Variants in FRMD5 observed in about 807,000 individuals in gnomAD.
FRMD5 encodes the protein FERM domain-containing protein 5.
Under a neutral mutation model 69.0 loss-of-function variants are expected in FRMD5, and 20 were observed. That is an observed-to-expected ratio of 0.29 (90% CI 0.20 to 0.42). FRMD5 has a LOEUF of 0.42. Ranked by LOEUF, FRMD5 falls within the 10% of genes least tolerant of loss-of-function variation. The pLI is 1.00. For missense variants in FRMD5, 595 were observed against 708.6 expected (o/e 0.84, Z 1.82); for synonymous variants, 271 against 260.1 (o/e 1.04, Z -0.40).
At chr15:43,962,913 G>T (rs1285028197) in intron 1 of FRMD5, among the ~76,000 whole-genome samples, 1 of 152,124 alleles carries the variant, frequency 6.6e-6, no homozygotes, top group Non-Finnish European at 1.5e-5. Context: ...ATTCAAGATG[G>T]ATTAAAGACT....
At chr15:44,006,870 T>C (rs945269404) in intron 1 of FRMD5, among the ~76,000 whole-genome samples, 1 of 152,196 alleles carries the variant, frequency 6.6e-6, no homozygotes, top group African/African-American at 2.4e-5. Context: ...ATTTAGAATA[T>C]CCCATAAACT....
intron 7 of FRMD5, among the ~76,000 whole-genome samples, chr15:43,899,360 C>A (rs1181803302): frequency 6.6e-6 from 1 of 152,082 alleles, no homozygotes; most frequent in East Asian, 1.9e-4. Context: ...GGAAGAGGCA[C>A]AGGGCTCAGG....
chr15:43,938,824 T>A (rs1197450933), intron 1 of FRMD5, among the ~76,000 whole-genome samples: 1 of 152,136 alleles, frequency 6.6e-6, no homozygotes, highest in African/African-American at 2.4e-5. Context: ...CTTTTTAGAT[T>A]TTTTTTTCTT....
At chr15:44,170,510 G>A (rs1482253500) in intron 1 of FRMD5, among the ~76,000 whole-genome samples, 2 of 151,100 alleles carry the variant, frequency 1.3e-5, no homozygotes, top group African/African-American at 4.9e-5. Flanking sequence ...GCAACAGAGT[G>A]AGACTTCATA....
chr15:44,145,612 G>A (rs1273899463), intron 1 of FRMD5, among the ~76,000 whole-genome samples: 2 of 152,096 alleles, frequency 1.3e-5, no homozygotes, highest in Non-Finnish European at 2.9e-5. Flanking sequence ...TTTTGAACAG[G>A]ACTCCAACTC....
intron 7 of FRMD5, among the ~76,000 whole-genome samples, chr15:43,893,141 A>C (rs534268339): frequency 2.4e-4 from 36 of 152,164 alleles, no homozygotes; most frequent in African/African-American, 7.7e-4. Flanking sequence ...AAAAAAAAAA[A>C]AACATTTTAT....
At chr15:43,959,907 A>T (rs529072586) in intron 1 of FRMD5, among the ~76,000 whole-genome samples, 19 of 152,306 alleles carry the variant, frequency 1.2e-4, no homozygotes, top group Non-Finnish European at 2.2e-4. Context: ...TTTTCTCAGT[A>T]AAATGATGAT....
Position 44,107,560 on chromosome 15 carries a change from C to T in FRMD5, c.102+87393G>A, listed in dbSNP as rs552887161. ...TCTCTCTTGATTTGTAGTTATCAGC[C>T]GAAAAATGCTGCTCAAAGGTTATAT... On this transcript the variant is annotated intron_variant, in intron 1 of 13. Coordinates refer to ENST00000417257, the MANE Select transcript of FRMD5 (RefSeq NM_032892.5). Among the ~76,000 whole-genome samples, 8 of 152,006 alleles carry T rather than the reference C, an allele frequency of 5.3e-5. 1 individual carries two copies. The highest frequency in any genetic ancestry group is 4.2e-4 in the South Asian group (2 of 4,794).
At chr15:44,007,844 A>G (rs1311788326) in intron 1 of FRMD5, among the ~76,000 whole-genome samples, 1 of 151,594 alleles carries the variant, frequency 6.6e-6, no homozygotes, top group African/African-American at 2.4e-5. Flanking sequence ...GGGTTTCTCC[A>G]TGTTGGTCAG....
intron 1 of FRMD5, among the ~76,000 whole-genome samples, chr15:44,026,684 C>T (rs1891443227): frequency 6.6e-6 from 1 of 152,130 alleles, no homozygotes; most frequent in African/African-American, 2.4e-5. Context: ...TTTTCTCAAA[C>T]AGAAAATGGT....
intron 4 of FRMD5, among the ~76,000 whole-genome samples, chr15:43,913,407 CAA>C (rs1256279202): frequency 6.6e-6 from 1 of 152,250 alleles, no homozygotes; most frequent in African/African-American, 2.4e-5. Context: ...CTGACAGCTT[CAA>C]GAGAGAGAAT....
chr15:43,908,814 T>G (rs967987178), intron 5 of FRMD5, among the ~76,000 whole-genome samples: 1 of 152,202 alleles, frequency 6.6e-6, no homozygotes, highest in African/African-American at 2.4e-5. Flanking sequence ...TTAGGAAATG[T>G]GCTTGTTACT....
chr15:43,887,187 G>C (rs181400382), intron 10 of FRMD5, among the ~76,000 whole-genome samples: 247 of 152,314 alleles, frequency 1.6e-3, no homozygotes, highest in African/African-American at 5.7e-3. Context: ...TCCCAGGGCA[G>C]GGATAGTTCA....
chr15:44,089,326 G>C (rs1022846302), intron 1 of FRMD5, among the ~76,000 whole-genome samples: 1 of 152,158 alleles, frequency 6.6e-6, no homozygotes, highest in Non-Finnish European at 1.5e-5. Context: ...ATGGTTTTAA[G>C]TATATGTGTA....
chr15:44,097,739 T>C (rs905971120), intron 1 of FRMD5, among the ~76,000 whole-genome samples: 5 of 152,192 alleles, frequency 3.3e-5, no homozygotes, highest in African/African-American at 7.2e-5. Flanking sequence ...GATGGGTACA[T>C]AGGACAAATT....
chr15:43,874,814 C>T (rs567813381), intron 13 of FRMD5, among the ~76,000 whole-genome samples: 4 of 151,864 alleles, frequency 2.6e-5, no homozygotes, highest in Admixed American at 2.6e-4. Flanking sequence ...GCAGGAGAAT[C>T]GCTTGAACCC....
intron 1 of FRMD5, among the ~76,000 whole-genome samples, chr15:44,182,572 C>T (rs2078024630): frequency 6.6e-6 from 1 of 152,116 alleles, no homozygotes; most frequent in Admixed American, 6.5e-5. Flanking sequence ...GTGATCCACC[C>T]ACCTTGGCCT....
At chr15:43,911,214 A>G (rs560852093) in intron 4 of FRMD5, among the ~76,000 whole-genome samples, 1 of 152,364 alleles carries the variant, frequency 6.6e-6, no homozygotes, top group South Asian at 2.1e-4. Flanking sequence ...TTCTTTGATA[A>G]TCCTAATTTC....
intron 13 of FRMD5, among the ~76,000 whole-genome samples, chr15:43,883,103 T>A (rs113614007): frequency 0.02 from 2,962 of 151,536 alleles, 69 homozygotes; most frequent in African/African-American, 0.067. Context: ...CCCCTTTTTT[T>A]AAAAAATTCT....
Sources: gnomAD v4.1 joint callset for allele counts (sites outside exome capture counted in the v4.1 genomes callset) on GRCh38, gnomAD v4.1.1 for gene constraint, MANE v1.5 for transcripts, NCBI Gene and HGNC (gene_info 2026-07-23, HGNC 2026-07-21) for gene names.